EP400: variants seen among roughly 807,000 people sequenced by gnomAD.
The protein encoded by EP400 is E1A binding protein p400.
Under a neutral mutation model 354.1 loss-of-function variants are expected in EP400, and 105 were observed. The observed-to-expected ratio is 0.30, with a 90% CI of 0.25 to 0.35. The LOEUF (loss-of-function observed/expected upper bound fraction) is 0.35, where lower values mean the gene tolerates loss of function less well. EP400 is among the 10% of genes least tolerant of loss of function. The probability of loss-of-function intolerance (pLI) is 1.00; values close to 1 mark genes in which losing one functional copy is unlikely to be tolerated. For synonymous variants in EP400, 1,646 were observed against 1,716.9 expected (o/e 0.96, Z 1.02); for missense variants, 3,280 against 4,121.0 (o/e 0.80, Z 5.59).
intron 11 of EP400, among the ~76,000 whole-genome samples, chr12:131,993,764 G>A (rs1431799893): frequency 6.6e-6 from 1 of 152,226 alleles, no homozygotes; most frequent in East Asian, 1.9e-4. Context: ...ATTTGTGCAT[G>A]TAAACATATC....
At chr12:132,043,802 G>T in intron 34 of EP400, 74 bp downstream of exon 34, 2 of 1,308,844 alleles carry the variant, frequency 1.5e-6, no homozygotes, top group Non-Finnish European at 2.1e-6. Flanking sequence ...TGAAGTAAAT[G>T]TGACTTCATT....
At chr12:131,951,637 T>G (rs1437126901) in intron 1 of EP400, among the ~76,000 whole-genome samples, 1 of 152,226 alleles carries the variant, frequency 6.6e-6, no homozygotes, top group East Asian at 1.9e-4. Flanking sequence ...AGTCTCACTC[T>G]GTCTCCCAGG....
At position 132,064,884 on chromosome 12, in the gene EP400, C is replaced by T; in HGVS notation, c.8551C>T (p.Leu2851Phe). The change falls in exon 48 of 53, where the codon CTC (leucine) becomes TTC (phenylalanine). Residue 2851 changes from leucine (L) to phenylalanine (F), a missense_variant and splice_region_variant. Transcript: ENST00000389561. ...CGTGGCCAACCTCCAGGTGGCCCGG[C>T]TCGTAAGTGTCAGTTTCTGTTTGTT... ...TTVANLQVAR[L>F]TRVPTSQLQA... 1 of 1,603,916 alleles carries T rather than the reference C, an allele frequency of 6.2e-7. No individual in the cohort carries two copies. The highest frequency in any genetic ancestry group is 8.5e-7 in the Non-Finnish European group (1 of 1,175,854).
chr12:132,053,354 TCAG>T lies in EP400; in HGVS notation c.7489_7491del (p.Gln2497del). ...TCCTGGCCCCTCAGGCTCTGGCTGA[TCAG>T]CAGAAGGCACAGCAGCCGGCCGTGG... On this transcript the variant is annotated inframe_deletion, in exon 43 of 53. Transcript: ENST00000389561. 6.3e-7 allele frequency: 1 copy of T among 1,580,974 alleles called. No homozygotes were observed. Among genetic ancestry groups the T allele is most frequent in the Non-Finnish European group, 8.5e-7 (1 of 1,170,434 alleles).
In EP400 at chr12:131,961,966, G is replaced by A; in HGVS notation, c.1335+12G>A. On this transcript the variant is annotated intron_variant, in intron 2 of 52. Coordinates refer to ENST00000389561, the MANE Select transcript of EP400 (RefSeq NM_015409.5). ...TTATCAATGACGAGGTAAGAAACAGGAGTTAATTTGTTTAGTACAAATCTT... is the reference window on the plus strand; with the variant it reads ...TTATCAATGACGAGGTAAGAAACAGAAGTTAATTTGTTTAGTACAAATCTT... 6 of 1,602,014 alleles carry A rather than the reference G, an allele frequency of 3.7e-6. No individual in the cohort carries two copies. Among genetic ancestry groups the A allele is most frequent in the Non-Finnish European group, 5.1e-6 (6 of 1,175,118 alleles).
At chr12:131,960,129 A>G (rs1451391720) in intron 1 of EP400, among the ~76,000 whole-genome samples, 1 of 152,228 alleles carries the variant, frequency 6.6e-6, no homozygotes, top group African/African-American at 2.4e-5. Context: ...GAAGCCGGAA[A>G]GTCCACAGCG....
intron 30 of EP400, among the ~76,000 whole-genome samples, chr12:132,035,691 G>A (rs546060178): frequency 1.1e-3 from 169 of 147,528 alleles, no homozygotes; most frequent in Admixed American, 3.4e-3. Flanking sequence ...GAACGTCATG[G>A]AAGGGCACAC....
chr12:131,983,169 G>A (rs1421157503), intron 5 of EP400, among the ~76,000 whole-genome samples: 1 of 152,134 alleles, frequency 6.6e-6, no homozygotes, highest in Non-Finnish European at 1.5e-5. Flanking sequence ...AGGTTCTGGG[G>A]CTGGCCCCAG....
intron 2 of EP400, among the ~76,000 whole-genome samples, chr12:131,962,920 C>T (rs1291264258): frequency 6.6e-6 from 1 of 152,202 alleles, no homozygotes; most frequent in East Asian, 1.9e-4. Context: ...CTCAAGCAGT[C>T]CTTACTGGTA....
chr12:131,997,281 T>C (rs957765169), intron 12 of EP400, among the ~76,000 whole-genome samples: 1 of 151,872 alleles, frequency 6.6e-6, no homozygotes, highest in African/African-American at 2.4e-5. Context: ...TTTTCTTTTT[T>C]TTTTTTTGAG....
chr12:132,069,745 C>T (rs1896014056), intron 51 of EP400, 104 bp downstream of exon 51: 3 of 1,507,508 alleles, frequency 2.0e-6, no homozygotes, highest in African/African-American at 2.8e-5. Context: ...TGCGGCTGCA[C>T]TGGGTGGTGC....
intron 16 of EP400, 41 bp downstream of exon 16, chr12:132,011,675 C>T: frequency 6.4e-7 from 1 of 1,560,510 alleles, no homozygotes; most frequent in East Asian, 2.3e-5. Context: ...AAACAGAAAG[C>T]CATGTTAATT....
rs1205369403 is a variant in EP400 at position 132,038,510 on chromosome 12, G to A, written c.6207+414G>A. 6.6e-6 allele frequency among the ~76,000 whole-genome samples: 1 copy of A among 152,238 alleles called. No individual in the cohort carries two copies. Among genetic ancestry groups the A allele is most frequent in the Non-Finnish European group, 1.5e-5 (1 of 68,042 alleles). Reference sequence around the variant, plus strand: ...ATGAGTCTGCACTCAGGTGCTGAGTGTAAGGTGCTGGTTGATTGCAAAGAC... The same window carrying A: ...ATGAGTCTGCACTCAGGTGCTGAGTATAAGGTGCTGGTTGATTGCAAAGAC... On this transcript the variant is annotated intron_variant, in intron 32 of 52. Transcript: ENST00000389561. This position sits in a 1 kb window ranked among gnomAD's most constrained non-coding sequence, Gnocchi z 4.2.
chr12:131,962,419 G>C (rs1300908703), intron 2 of EP400, among the ~76,000 whole-genome samples: 1 of 152,044 alleles, frequency 6.6e-6, no homozygotes, highest in Admixed American at 6.6e-5. Context: ...AACACCATCA[G>C]CATGGTTTTC....
At position 132,050,824 on chromosome 12, in the gene EP400, C is replaced by T. The variant is rs1332215971; in HGVS notation, c.7394+169C>T. On this transcript the variant is annotated intron_variant, in intron 41 of 52. Transcript: ENST00000389561. The surrounding 1 kb of genome is among the most constrained non-coding windows in gnomAD (Gnocchi z 4.8). ...AGAGAGGTGCTTTTCCTGCCGTGGG[C>T]TAGGGTATGCATAGGACGGCCCCTG... The T allele has an allele frequency of 5.2e-6, 4 of 769,740 alleles. No individual in the cohort carries two copies. The highest frequency in any genetic ancestry group is 4.1e-5 in the Admixed American group (2 of 48,376). The allele number at this position is 769,740 out of a possible 1,614,324, so 47.7% of individuals were successfully genotyped here.
chr12:132,022,424 T>C (rs1300306560), intron 23 of EP400, among the ~76,000 whole-genome samples: 1 of 152,252 alleles, frequency 6.6e-6, no homozygotes, highest in Non-Finnish European at 1.5e-5. Context: ...GGGCAAGATA[T>C]CTCTAGACAT....
At position 132,064,831 on chromosome 12, in the gene EP400, G is replaced by A; in HGVS notation, c.8498G>A (p.Arg2833Lys). The change falls in exon 48 of 53, where the codon AGG becomes AAG. Residue 2833 changes from arginine to lysine, a missense_variant. By Grantham distance (26) the Arg-to-Lys change is conservative. This residue lies in a region of EP400 where 86 missense variants were observed against 66.4 expected (regional missense o/e 1.29). Coordinates refer to ENST00000389561, the MANE Select transcript of EP400 (RefSeq NM_015409.5). The stretch of plus-strand genomic sequence containing the variant: ...CAGCTCACGACGGTCACGGCCCCAA[G>A]GCCTGGTGCCCTGCTGACGGGCACC... ...SPQLTTVTAP[R>K]PGALLTGTTV... 6.2e-7 allele frequency: 1 copy of A among 1,612,406 alleles called. No individual in the cohort carries two copies.
Position 132,017,699 on chromosome 12 carries a change from C to T in EP400, c.4088C>T (p.Ala1363Val). ...EYPSASLILK[A>V]LERDFWKEAD... Reference sequence around the variant, plus strand: ...CCGTCCGCATCTCTAATCCTGAAGGCACTGGAGAGAGATTTCTGGAAGGTA... The same window carrying T: ...CCGTCCGCATCTCTAATCCTGAAGGTACTGGAGAGAGATTTCTGGAAGGTA... Residue 1363 changes from alanine to valine, a missense_variant, in exon 20 of 53, where the codon GCA (alanine) becomes GTA (valine). By Grantham distance (64) the Ala-to-Val change is moderately conservative (BLOSUM62 0). Around this residue, in one of 20 missense-constraint regions of EP400, gnomAD observed 342 missense variants for 342.7 expected, o/e 1.00. Transcript: ENST00000389561. The surrounding 1 kb of genome is among the most constrained non-coding windows in gnomAD (Gnocchi z 5.0). 6.5e-7 allele frequency: 1 copy of T among 1,530,824 alleles called. No individual in the cohort carries two copies. Among genetic ancestry groups the T allele is most frequent in the Non-Finnish European group, 8.8e-7 (1 of 1,140,048 alleles). The allele number at this position is 1,530,824 out of a possible 1,614,324, so 94.8% of individuals were successfully genotyped here. A position where few individuals can be genotyped will look rare whatever the true frequency, so the allele number is the denominator to read the frequency against.
chr12:132,053,035 C>T (rs914867888), intron 41 of EP400, 111 bp from the exon 42 acceptor site: 25 of 1,178,290 alleles, frequency 2.1e-5, no homozygotes, highest in Non-Finnish European at 2.8e-5. Flanking sequence ...GCCCTCATCT[C>T]TTGGGCTGGA....
Sources: gnomAD v4.1 joint callset for allele counts (sites outside exome capture counted in the v4.1 genomes callset) on GRCh38, gnomAD v4.1.1 for gene constraint, gnomAD v4.1.1 regional missense constraint, Gnocchi (gnomAD v3.1) non-coding constraint, MANE v1.5 for transcripts, NCBI Gene and HGNC (gene_info 2026-07-23, HGNC 2026-07-21) for gene names.